RBMS3: variants seen among roughly 807,000 people sequenced by gnomAD.
The protein encoded by RBMS3 is RNA-binding motif, single-stranded-interacting protein 3.
In RBMS3, 27 loss-of-function variants were observed where a neutral mutation model predicts 66.8. That is an observed-to-expected ratio of 0.40 (90% confidence interval 0.30 to 0.56). RBMS3 has a LOEUF of 0.56. Among genes scored for constraint, RBMS3 ranks in the 20% least tolerant of loss-of-function variants. The pLI, the probability that RBMS3 is intolerant of heterozygous loss-of-function variation, is 0.40. For missense variants in RBMS3, 513 were observed against 549.5 expected (o/e 0.93, Z 0.66); for synonymous variants, 188 against 183.0 (o/e 1.03, Z -0.22).
At chr3:29,953,611 A>G (rs773723299) in intron 12 of RBMS3, among the ~76,000 whole-genome samples, 2 of 152,062 alleles carry the variant, frequency 1.3e-5, no homozygotes, top group East Asian at 3.9e-4. Context: ...TATTCATCAC[A>G]TAGTATGTAT....
intron 9 of RBMS3, among the ~76,000 whole-genome samples, chr3:29,897,953 CA>C (rs2060165549): frequency 6.6e-6 from 1 of 151,558 alleles, no homozygotes; most frequent in African/African-American, 2.4e-5. Context: ...AAGAAATTAT[CA>C]AAGTGGTAAA....
chr3:29,661,893 T>G (rs2050568088), intron 4 of RBMS3, among the ~76,000 whole-genome samples: 2 of 152,284 alleles, frequency 1.3e-5, no homozygotes, highest in South Asian at 4.1e-4. Flanking sequence ...ATGGTGAAGC[T>G]CCCAGAGCCT....
chr3:29,732,101 G>A (rs1283412200), intron 4 of RBMS3, among the ~76,000 whole-genome samples: 2 of 151,278 alleles, frequency 1.3e-5, no homozygotes, highest in African/African-American at 2.4e-5. Flanking sequence ...CCTCTTTATT[G>A]TATGAACTTG....
intron 3 of RBMS3, among the ~76,000 whole-genome samples, chr3:29,571,397 A>G (rs780026118): frequency 2.0e-5 from 3 of 151,862 alleles, no homozygotes; most frequent in Non-Finnish European, 4.4e-5. Context: ...TAGTAGTTTC[A>G]TAGTTTGAGG....
intron 4 of RBMS3, among the ~76,000 whole-genome samples, chr3:29,737,936 A>T (rs1001889410): frequency 6.6e-6 from 1 of 151,634 alleles, no homozygotes; most frequent in South Asian, 2.1e-4. Flanking sequence ...TCTATATGTA[A>T]ACTATTCCTA....
At chr3:29,550,663 CTG>C (rs1300663377) in intron 3 of RBMS3, among the ~76,000 whole-genome samples, 1 of 151,872 alleles carries the variant, frequency 6.6e-6, no homozygotes, top group African/African-American at 2.4e-5. Context: ...TGGTATAAAT[CTG>C]TTTCATGCAA....
chr3:29,945,939 C>A (rs929478914), intron 12 of RBMS3, among the ~76,000 whole-genome samples: 1 of 151,672 alleles, frequency 6.6e-6, no homozygotes, highest in Non-Finnish European at 1.5e-5. Context: ...ACATAAAAAT[C>A]ACATGGAACA....
In RBMS3 at chr3:29,477,703, A is replaced by G. The variant is rs183139851; in HGVS notation, c.249-10738A>G. On this transcript the variant is annotated intron_variant, in intron 2 of 14. Coordinates refer to ENST00000383767, the MANE Select transcript of RBMS3 (RefSeq NM_001003793.3). ...GGGGATGAGAAAAAAAAAATGAGAGATATGTCAGTTGAGTAGGGATGAGGA... is the reference window on the plus strand; with the variant it reads ...GGGGATGAGAAAAAAAAAATGAGAGGTATGTCAGTTGAGTAGGGATGAGGA... 8.2e-4 allele frequency among the ~76,000 whole-genome samples: 124 copies of G among 152,094 alleles called. 1 individual carries two copies. Among genetic ancestry groups the G allele is most frequent in the African/African-American group, 3.0e-3 (123 of 41,464 alleles).
chr3:29,407,450 T>C (rs1229939742), intron 1 of RBMS3, among the ~76,000 whole-genome samples: 1 of 152,218 alleles, frequency 6.6e-6, no homozygotes, highest in East Asian at 1.9e-4. Flanking sequence ...ATCAATCTAC[T>C]CATGATAATT....
At chr3:29,858,164 T>G (rs192038281) in intron 6 of RBMS3, among the ~76,000 whole-genome samples, 11 of 152,188 alleles carry the variant, frequency 7.2e-5, no homozygotes, top group African/African-American at 2.2e-4. Context: ...AACCTTTCTA[T>G]AGTTTGAATT....
At chr3:29,578,789 TC>T (rs2047215422) in intron 3 of RBMS3, among the ~76,000 whole-genome samples, 3 of 131,282 alleles carry the variant, frequency 2.3e-5, no homozygotes, top group Non-Finnish European at 4.6e-5. Context: ...AATACATGCT[TC>T]TTTTTTTTTT....
chr3:29,520,639 G>C (rs1385876419), intron 3 of RBMS3, among the ~76,000 whole-genome samples: 1 of 152,102 alleles, frequency 6.6e-6, no homozygotes, highest in East Asian at 1.9e-4. Flanking sequence ...CACGTAGGGA[G>C]GGTTTTTTTA....
intron 1 of RBMS3, among the ~76,000 whole-genome samples, chr3:29,283,348 A>G (rs1297349260): frequency 6.6e-6 from 1 of 152,170 alleles, no homozygotes. Context: ...AATGAATAAC[A>G]TAATTGTTTT....
At chr3:29,794,418 CT>C (rs1364725956) in intron 6 of RBMS3, among the ~76,000 whole-genome samples, 1 of 152,018 alleles carries the variant, frequency 6.6e-6, no homozygotes, top group Admixed American at 6.6e-5. Context: ...AACCCCGTCT[CT>C]ACTAAAAATA....
chr3:29,390,053 G>T lies in RBMS3; in HGVS notation c.76-44690G>T, dbSNP rs2039214615. The stretch of plus-strand genomic sequence containing the variant: ...GCATGTGCTGATGGAGATAAAAGAG[G>T]CTCTAAAAGACCCCTCCTACAAAAC... On this transcript the variant is annotated intron_variant, in intron 1 of 14. Coordinates refer to ENST00000383767, the MANE Select transcript of RBMS3 (RefSeq NM_001003793.3). 3.9e-5 allele frequency among the ~76,000 whole-genome samples: 6 copies of T among 152,100 alleles called. No individual in the cohort carries two copies. In the South Asian group the frequency reaches 8.3e-4, roughly 21 times the overall value.
chr3:29,645,271 G>C (rs2049873820), intron 4 of RBMS3, among the ~76,000 whole-genome samples: 1 of 152,196 alleles, frequency 6.6e-6, no homozygotes, highest in Admixed American at 6.5e-5. Flanking sequence ...AATTACTCGA[G>C]TGATTGTGAT....
intron 11 of RBMS3, among the ~76,000 whole-genome samples, chr3:29,941,190 C>A (rs1183442298): frequency 1.3e-5 from 2 of 151,806 alleles, no homozygotes; most frequent in Non-Finnish European, 1.5e-5. Context: ...TAGTCACTCA[C>A]AAAAATAACC....
At chr3:29,811,626 C>A (rs2057731537) in intron 6 of RBMS3, among the ~76,000 whole-genome samples, 1 of 152,134 alleles carries the variant, frequency 6.6e-6, no homozygotes, top group African/African-American at 2.4e-5. Flanking sequence ...CCCTCTCCCC[C>A]ATTATTCCCT....
At chr3:29,587,253 T>TG in intron 4 of RBMS3, 48 bp downstream of exon 4, 1 of 589,214 alleles carries the variant, frequency 1.7e-6, no homozygotes, top group Non-Finnish European at 2.5e-6. Flanking sequence ...TTTTTTTGTG[T>TG]GTGTGTGTGT....
Sources: allele counts gnomAD v4.1 joint callset (sites outside exome capture counted in the v4.1 genomes callset), GRCh38; gene constraint gnomAD v4.1.1; transcripts MANE v1.5; gene names NCBI Gene and HGNC (gene_info 2026-07-23, HGNC 2026-07-21).